ZBTB8OS: variants seen among roughly 807,000 people sequenced by gnomAD.
The protein encoded by ZBTB8OS is tRNA-splicing ligase-activating factor archease.
In ZBTB8OS, 16 loss-of-function variants were observed where a neutral mutation model predicts 29.3. The ratio of observed to expected loss-of-function variants is 0.55; its 90% CI spans 0.37 to 0.83. The LOEUF (loss-of-function observed/expected upper bound fraction) is 0.83, where lower values mean the gene tolerates loss of function less well. Among genes scored for constraint, ZBTB8OS ranks in the 40% least tolerant of loss-of-function variants. ZBTB8OS has a pLI of 0.00. For synonymous variants in ZBTB8OS, 70 were observed against 64.6 expected (o/e 1.08, Z -0.40); for missense variants, 160 against 196.9 (o/e 0.81, Z 1.12).
At chr1:32,632,269 A>C (rs1039861765) in intron 4 of ZBTB8OS, 1 of 153,850 alleles carries the variant, frequency 6.5e-6, no homozygotes, top group Non-Finnish European at 1.4e-5. Context: ...TCGGCTTCCC[A>C]AAGTGCTGGG....
At chr1:32,646,822 A>G (rs1246650091) in intron 1 of ZBTB8OS, among the ~76,000 whole-genome samples, 1 of 148,410 alleles carries the variant, frequency 6.7e-6, no homozygotes, top group Non-Finnish European at 1.5e-5. Context: ...GGATCACTTG[A>G]GGTCAGGAGT....
chr1:32,641,959 A>G (rs1018118056), intron 1 of ZBTB8OS, among the ~76,000 whole-genome samples: 12 of 151,964 alleles, frequency 7.9e-5, no homozygotes, highest in African/African-American at 1.4e-4. Context: ...ACCTTTGTAC[A>G]TACTTCCAAT....
intron 6 of ZBTB8OS, among the ~76,000 whole-genome samples, chr1:32,623,925 G>A (rs991022956): frequency 6.6e-6 from 1 of 152,196 alleles, no homozygotes; most frequent in Non-Finnish European, 1.5e-5. Flanking sequence ...GGAGGGAGCA[G>A]GTGGAGATCA....
chr1:32,645,757 A>T (rs953257221), intron 1 of ZBTB8OS, among the ~76,000 whole-genome samples: 1 of 152,146 alleles, frequency 6.6e-6, no homozygotes, highest in African/African-American at 2.4e-5. Context: ...CAGCCTCTGG[A>T]GTAGCTGGGA....
intron 1 of ZBTB8OS, among the ~76,000 whole-genome samples, chr1:32,649,668 A>AC (rs1491538426): frequency 7.4e-4 from 23 of 31,106 alleles, no homozygotes; most frequent in African/African-American, 1.5e-3. Context: ...ACACACACAC[A>AC]TTTTTTTTTT....
intron 1 of ZBTB8OS, among the ~76,000 whole-genome samples, chr1:32,645,924 T>A (rs1020077992): frequency 3.3e-5 from 5 of 152,248 alleles, no homozygotes; most frequent in Admixed American, 2.0e-4. Flanking sequence ...ATACAGAGAT[T>A]ACATTTTGAG....
In ZBTB8OS at chr1:32,628,576, C is replaced by T. The variant is rs1189028213; in HGVS notation, c.381-1032G>A. 2.0e-5 allele frequency among the ~76,000 whole-genome samples: 3 copies of T among 151,546 alleles called. No homozygotes were observed. In the Admixed American group the frequency reaches 2.0e-4, roughly 10 times the overall value. On this transcript the variant is annotated intron_variant, in intron 5 of 6. Transcript: ENST00000468695. ...CGCTTGAGCCAGGAGGCGGAGATTG[C>T]AGTGAGCTGAGATCATGCCACTGCA... is the stretch of plus-strand genomic sequence containing the variant.
intron 6 of ZBTB8OS, among the ~76,000 whole-genome samples, chr1:32,624,869 G>A (rs960223162): frequency 6.6e-6 from 1 of 151,108 alleles, no homozygotes; most frequent in Non-Finnish European, 1.5e-5. Context: ...ACTCCAGCCT[G>A]GGCAACAGAG....
At chr1:32,637,651 C>A (rs1646080508) in intron 1 of ZBTB8OS, among the ~76,000 whole-genome samples, 1 of 151,716 alleles carries the variant, frequency 6.6e-6, no homozygotes, top group African/African-American at 2.4e-5. Flanking sequence ...GTAGAAAACA[C>A]AAGTGTTTTT....
chr1:32,649,655 C>A (rs1647148201), intron 1 of ZBTB8OS, among the ~76,000 whole-genome samples: 1 of 139,864 alleles, frequency 7.1e-6, no homozygotes, highest in Admixed American at 6.8e-5. Context: ...CACACACACA[C>A]ACACACACAC....
chr1:32,649,438 C>T (rs1349422473), intron 1 of ZBTB8OS, among the ~76,000 whole-genome samples: 2 of 152,010 alleles, frequency 1.3e-5, no homozygotes, highest in Non-Finnish European at 2.9e-5. Context: ...CAGATTTGTG[C>T]TCCCCAAACC....
At chr1:32,640,408 G>A (rs1313660563) in intron 1 of ZBTB8OS, among the ~76,000 whole-genome samples, 1 of 151,738 alleles carries the variant, frequency 6.6e-6, no homozygotes, top group Non-Finnish European at 1.5e-5. Context: ...GCCAAAACAT[G>A]GTAGTTTTTT....
chr1:32,627,807 G>T, intron 5 of ZBTB8OS: 1 of 450,436 alleles, frequency 2.2e-6, no homozygotes. Context: ...GAGGCCAAAG[G>T]GAGGATCGCT....
At chr1:32,650,618 G>A (rs899508624), upstream of ZBTB8OS, 8 of 1,609,786 alleles carry the variant, frequency 5.0e-6, no homozygotes, top group African/African-American at 1.1e-4. Context: ...CCGCCCCTTG[G>A]CGCACACCCT....
chr1:32,640,940 C>T (rs545513474), intron 1 of ZBTB8OS, among the ~76,000 whole-genome samples: 54 of 148,168 alleles, frequency 3.6e-4, no homozygotes, highest in Non-Finnish European at 6.4e-4. Flanking sequence ...CGAGGTGGGC[C>T]GATCACCTGA....
intron 6 of ZBTB8OS, among the ~76,000 whole-genome samples, chr1:32,624,964 T>G (rs704881): frequency 6.8e-6 from 1 of 147,814 alleles, no homozygotes; most frequent in Non-Finnish European, 1.5e-5. Context: ...TGGCTCACGC[T>G]TATAATCCCA....
intron 1 of ZBTB8OS, among the ~76,000 whole-genome samples, chr1:32,642,081 G>A (rs1646455278): frequency 6.6e-6 from 1 of 152,042 alleles, no homozygotes; most frequent in Non-Finnish European, 1.5e-5. Flanking sequence ...ATTCTCTTCA[G>A]AAGTATTTTA....
intron 1 of ZBTB8OS, among the ~76,000 whole-genome samples, chr1:32,646,347 T>C (rs1234195804): frequency 6.6e-6 from 1 of 151,956 alleles, no homozygotes; most frequent in East Asian, 1.9e-4. Context: ...TTTTTTTTTC[T>C]TGGTATCTAA....
At chr1:32,649,668 A>ACACACACAC (rs1491538426) in intron 1 of ZBTB8OS, among the ~76,000 whole-genome samples, 2 of 31,126 alleles carry the variant, frequency 6.4e-5, no homozygotes, top group African/African-American at 3.4e-4. Flanking sequence ...ACACACACAC[A>ACACACACAC]TTTTTTTTTT....
Sources: gnomAD v4.1 joint callset for allele counts (sites outside exome capture counted in the v4.1 genomes callset) on GRCh38, gnomAD v4.1.1 for gene constraint, MANE v1.5 for transcripts, NCBI Gene and HGNC (gene_info 2026-07-23, HGNC 2026-07-21) for gene names.